MXI1: variants seen among roughly 807,000 people sequenced by gnomAD.
MXI1 encodes max-interacting protein 1.
In MXI1, 18 loss-of-function variants were observed where a neutral mutation model predicts 36.9. That is an observed-to-expected ratio of 0.49 (90% CI 0.34 to 0.72). MXI1 has a LOEUF of 0.72. Among genes scored for constraint, MXI1 ranks in the 30% least tolerant of loss-of-function variants. MXI1 has a pLI of 0.01. For synonymous variants in MXI1, 160 were observed against 146.7 expected, an observed-to-expected ratio of 1.09 and a Z score of -0.65; for missense variants, 304 against 379.1, an observed-to-expected ratio of 0.80 and a Z score of 1.64.
chr10:110,282,473 C>T (rs1857289491), intron 5 of MXI1, among the ~76,000 whole-genome samples: 1 of 152,190 alleles, frequency 6.6e-6, no homozygotes. Flanking sequence ...TTATCAGTAA[C>T]AGTGAAATAT....
chr10:110,283,249 C>T (rs1857321751), intron 5 of MXI1, among the ~76,000 whole-genome samples: 1 of 149,430 alleles, frequency 6.7e-6, no homozygotes, highest in Non-Finnish European at 1.5e-5. Flanking sequence ...GTCCTTTTGG[C>T]CTCACAAGAA....
chr10:110,244,368 G>A (rs1855782676), intron 2 of MXI1, among the ~76,000 whole-genome samples: 1 of 151,808 alleles, frequency 6.6e-6, no homozygotes. Flanking sequence ...AAGCAGTAAC[G>A]CAAGCCTTTT....
rs1857151427 is a variant in MXI1 at position 110,279,308 on chromosome 10, C to T, written c.552+14C>T. 6.2e-7 allele frequency: 1 copy of T among 1,604,850 alleles called. No individual in the cohort carries two copies. The highest frequency in any genetic ancestry group is 8.5e-7 in the Non-Finnish European group (1 of 1,171,780). The stretch of plus-strand genomic sequence containing the variant: ...GCACACATCAAGGTGAGAATTTTTA[C>T]TTTCAGATTTGCACAATTCCCTCAG... On this transcript the variant is annotated intron_variant, in intron 4 of 5. Transcript: ENST00000332674.
At chr10:110,261,254 A>T (rs1856498343) in intron 3 of MXI1, 1 of 570,824 alleles carries the variant, frequency 1.8e-6, no homozygotes, top group Non-Finnish European at 2.2e-6. Flanking sequence ...TAATTCTAGG[A>T]CATGTCTACT....
chr10:110,214,081 T>C (rs1362560871), intron 1 of MXI1, among the ~76,000 whole-genome samples: 1 of 152,200 alleles, frequency 6.6e-6, no homozygotes. Flanking sequence ...ATATAGCTAG[T>C]AAGTCGCGGA....
chr10:110,276,714 T>G (rs886167118), intron 3 of MXI1, among the ~76,000 whole-genome samples: 2 of 152,148 alleles, frequency 1.3e-5, no homozygotes, highest in Non-Finnish European at 2.9e-5. Context: ...GAGAAAAAAT[T>G]TTAATATGTT....
At position 110,244,864 on chromosome 10, in the gene MXI1, C is replaced by T; in HGVS notation, c.437+7C>T. The T allele has an allele frequency of 2.5e-6, 4 of 1,604,932 alleles. No homozygotes were observed. The highest frequency in any genetic ancestry group is 3.4e-6 in the Non-Finnish European group (4 of 1,176,666). On this transcript the variant is annotated splice_region_variant and intron_variant, in intron 3 of 5. Coordinates refer to ENST00000332674, the MANE Select transcript of MXI1 (RefSeq NM_130439.3). ...ATGAGCTGGAAAAGAATCGGTGAGTCAGTGATGAGGTACAGCTTTCACTTA... is the reference window on the plus strand; with the variant it reads ...ATGAGCTGGAAAAGAATCGGTGAGTTAGTGATGAGGTACAGCTTTCACTTA...
At chr10:110,215,093 G>A (rs1483753535) in intron 1 of MXI1, among the ~76,000 whole-genome samples, 1 of 139,742 alleles carries the variant, frequency 7.2e-6, no homozygotes, top group Non-Finnish European at 1.5e-5. Flanking sequence ...CCAGGCTGGA[G>A]TGCATTGGCA....
intron 3 of MXI1, among the ~76,000 whole-genome samples, chr10:110,249,246 C>T (rs1045329754): frequency 6.6e-6 from 1 of 152,076 alleles, no homozygotes; most frequent in Non-Finnish European, 1.5e-5. Context: ...AAAAGACATT[C>T]CTGAAGTAAT....
intron 3 of MXI1, among the ~76,000 whole-genome samples, chr10:110,259,817 T>G (rs1477650439): frequency 6.6e-6 from 1 of 152,084 alleles, no homozygotes; most frequent in East Asian, 1.9e-4. Context: ...GTGTTACTAG[T>G]GAAAAACTTT....
intron 3 of MXI1, among the ~76,000 whole-genome samples, chr10:110,265,234 A>C (rs932048521): frequency 3.9e-5 from 6 of 152,226 alleles, no homozygotes; most frequent in Admixed American, 2.0e-4. Context: ...TACTATATTC[A>C]ATAAAGTACA....
At chr10:110,213,727 C>G (rs1275457069) in intron 1 of MXI1, among the ~76,000 whole-genome samples, 1 of 152,146 alleles carries the variant, frequency 6.6e-6, no homozygotes, top group East Asian at 1.9e-4. Flanking sequence ...GCTACCAAGG[C>G]AAAACAGTAG....
chr10:110,228,434 G>C, intron 2 of MXI1, 113 bp downstream of exon 2: 1 of 1,285,796 alleles, frequency 7.8e-7, no homozygotes, highest in Non-Finnish European at 1.1e-6. Flanking sequence ...ACTACCCTGG[G>C]GATTTGGCCC....
At chr10:110,271,071 A>G (rs531898760) in intron 3 of MXI1, among the ~76,000 whole-genome samples, 1 of 150,870 alleles carries the variant, frequency 6.6e-6, no homozygotes, top group African/African-American at 2.5e-5. Flanking sequence ...CAGCTTGGGC[A>G]ACAGAGTGAA....
intron 1 of MXI1, chr10:110,208,526 T>A (rs1421991535): frequency 6.5e-6 from 1 of 153,344 alleles, no homozygotes; most frequent in Non-Finnish European, 1.4e-5. Context: ...TTGGAAACCA[T>A]AGGCAGAGCT....
chr10:110,256,546 T>TGA (rs927597737), intron 3 of MXI1, among the ~76,000 whole-genome samples: 24 of 131,210 alleles, frequency 1.8e-4, no homozygotes, highest in Admixed American at 1.3e-3. Flanking sequence ...GAGGTTGCAG[T>TGA]GAGCTGACAT....
chr10:110,275,614 G>C (rs1200937349), intron 3 of MXI1, among the ~76,000 whole-genome samples: 1 of 152,212 alleles, frequency 6.6e-6, no homozygotes, highest in African/African-American at 2.4e-5. Flanking sequence ...CTAAGGACAT[G>C]TGGTAACTGT....
chr10:110,263,173 G>A (rs946744038), intron 3 of MXI1, among the ~76,000 whole-genome samples: 1 of 152,180 alleles, frequency 6.6e-6, no homozygotes, highest in African/African-American at 2.4e-5. Context: ...CTTTGGCCAA[G>A]TCAAATAAAT....
intron 3 of MXI1, among the ~76,000 whole-genome samples, chr10:110,272,338 A>C (rs960259479): frequency 1.3e-5 from 2 of 152,260 alleles, no homozygotes; most frequent in Non-Finnish European, 2.9e-5. Flanking sequence ...CACATAAGGA[A>C]TACTCAACCT....
Sources: gnomAD v4.1 joint callset for allele counts (sites outside exome capture counted in the v4.1 genomes callset) on GRCh38, gnomAD v4.1.1 for gene constraint, MANE v1.5 for transcripts, NCBI Gene and HGNC (gene_info 2026-07-23, HGNC 2026-07-21) for gene names.